NIPSNAP1: variants seen among roughly 807,000 people sequenced by gnomAD.
NIPSNAP1 encodes nipsnap homolog 1.
NIPSNAP1 carries 25 observed loss-of-function variants against 49.2 expected under a neutral mutation model. The observed-to-expected ratio is 0.51, with a 90% CI of 0.37 to 0.71. The LOEUF (loss-of-function observed/expected upper bound fraction) is 0.71. NIPSNAP1 is among the 30% of genes least tolerant of loss of function. The pLI, the probability that NIPSNAP1 is intolerant of heterozygous loss-of-function variation, is 0.00. For synonymous variants in NIPSNAP1, 143 were observed against 140.7 expected (o/e 1.02, Z -0.12); for missense variants, 294 against 361.0 (o/e 0.81, Z 1.50).
chr22:29,578,411 A>G (rs1326011064), intron 1 of NIPSNAP1, among the ~76,000 whole-genome samples: 1 of 151,150 alleles, frequency 6.6e-6, no homozygotes, highest in Non-Finnish European at 1.5e-5. Flanking sequence ...GGTTCAAGCA[A>G]TCCTCCCACC....
At chr22:29,571,541 G>A (rs1261212184) in intron 1 of NIPSNAP1, among the ~76,000 whole-genome samples, 1 of 152,124 alleles carries the variant, frequency 6.6e-6, no homozygotes, top group Non-Finnish European at 1.5e-5. Context: ...CATACCCAAG[G>A]TCCCAGCAGG....
Position 29,561,739 on chromosome 22 carries a change from G to C in NIPSNAP1, c.438+53C>G, listed in dbSNP as rs2064337297. 11 of 1,613,002 alleles carry C rather than the reference G, an allele frequency of 6.8e-6. No homozygotes were observed. In the South Asian group the frequency reaches 1.2e-4, roughly 18 times the overall value. On this transcript the variant is annotated intron_variant, in intron 5 of 9. Transcript: ENST00000216121. ...GGTAGCAGAGTAGTCCCCAGAACAGGGCTGGGCTGCATCCCACATCCAGAG... is the reference window on the plus strand; with the variant it reads ...GGTAGCAGAGTAGTCCCCAGAACAGCGCTGGGCTGCATCCCACATCCAGAG...
At chr22:29,556,085 G>T in intron 9 of NIPSNAP1, 86 bp from the exon 10 acceptor site, 1 of 1,169,170 alleles carries the variant, frequency 8.6e-7, no homozygotes, top group Non-Finnish European at 1.2e-6. Context: ...GCTGGCCTTT[G>T]AGTGGGCAGG....
intron 7 of NIPSNAP1, 56 bp downstream of exon 7, chr22:29,561,114 TG>T: frequency 6.5e-7 from 1 of 1,534,876 alleles, no homozygotes; most frequent in Non-Finnish European, 9.0e-7. Flanking sequence ...GGGGCCTTGG[TG>T]GGGCAGGTGA....
intron 4 of NIPSNAP1, among the ~76,000 whole-genome samples, chr22:29,565,190 C>T (rs950123995): frequency 1.3e-5 from 2 of 150,678 alleles, no homozygotes; most frequent in African/African-American, 2.4e-5. Flanking sequence ...GGTGACAGAG[C>T]GAGACCCTGT....
intron 1 of NIPSNAP1, among the ~76,000 whole-genome samples, chr22:29,579,075 G>A (rs1731503160): frequency 6.6e-6 from 1 of 150,846 alleles, no homozygotes. Context: ...CACAACCACG[G>A]AATCTTTTTT....
At chr22:29,561,086 G>T in intron 7 of NIPSNAP1, 85 bp downstream of exon 7, 1 of 1,304,874 alleles carries the variant, frequency 7.7e-7, no homozygotes, top group Non-Finnish European at 1.1e-6. Flanking sequence ...ATATGGCCCT[G>T]GAAAAGGTGG....
At chr22:29,560,693 A>C in intron 8 of NIPSNAP1, 41 bp downstream of exon 8, 1 of 1,518,262 alleles carries the variant, frequency 6.6e-7, no homozygotes, top group South Asian at 1.1e-5. Flanking sequence ...ATGACAGAGA[A>C]AGAGAACTAA....
chr22:29,560,806 G>A lies in NIPSNAP1; in HGVS notation c.634C>T (p.Gln212Ter). The A allele has an allele frequency of 6.2e-7, 1 of 1,614,130 alleles. No homozygotes were observed. Among genetic ancestry groups the A allele is most frequent in the Non-Finnish European group, 8.5e-7 (1 of 1,180,028 alleles). Reference sequence around the variant, plus strand: ...CCGCCCACTGCCTCCTGGTTCTCCTGCCGGTACTTGATGGCCCGAGCCCTG... The same window carrying A: ...CCGCCCACTGCCTCCTGGTTCTCCTACCGGTACTTGATGGCCCGAGCCCTG... ...NNWARAIKYR[Q>*]ENQEAVGGFF... is the part of the protein sequence containing the mutation. The change falls in exon 8 of 10, where the codon CAG (glutamine) becomes TAG (stop). Residue 212 changes from glutamine (Q) to a stop codon, truncating the protein, a stop_gained. Coordinates refer to ENST00000216121, the MANE Select transcript of NIPSNAP1 (RefSeq NM_003634.4). LOFTEE classifies it high-confidence loss of function.
intron 1 of NIPSNAP1, chr22:29,580,113 T>C (rs1313064106): frequency 7.7e-7 from 1 of 1,304,128 alleles, no homozygotes; most frequent in Admixed American, 2.3e-5. Flanking sequence ...TTGGTAAATA[T>C]TCCTTGACCA....
At chr22:29,575,607 G>A (rs1273821813) in intron 1 of NIPSNAP1, among the ~76,000 whole-genome samples, 1 of 152,010 alleles carries the variant, frequency 6.6e-6, no homozygotes, top group Non-Finnish European at 1.5e-5. Context: ...TCCAGAGCAC[G>A]TTCTAAAACG....
At position 29,558,857 on chromosome 22, in the gene NIPSNAP1, A is replaced by G. The variant is rs746376388; in HGVS notation, c.790+13T>C. 2 of 1,604,040 alleles carry G rather than the reference A, an allele frequency of 1.2e-6. No homozygotes were observed. The highest frequency in any genetic ancestry group is 1.7e-6 in the Non-Finnish European group (2 of 1,170,802). The stretch of plus-strand genomic sequence containing the variant: ...AGGGTTCTCAGCAGAAGACCTCCAA[A>G]GGCTTCACTCACCTGTATAGTAGAC... On this transcript the variant is annotated intron_variant, in intron 9 of 9. Coordinates refer to ENST00000216121, the MANE Select transcript of NIPSNAP1 (RefSeq NM_003634.4).
intron 4 of NIPSNAP1, among the ~76,000 whole-genome samples, chr22:29,567,670 T>C (rs1417242118): frequency 1.3e-5 from 2 of 151,644 alleles, no homozygotes; most frequent in African/African-American, 4.9e-5. Context: ...CTGGGTAACA[T>C]AGGGAGATCC....
chr22:29,556,060 G>A, intron 9 of NIPSNAP1, 61 bp from the exon 10 acceptor site: 1 of 1,436,914 alleles, frequency 7.0e-7, no homozygotes, highest in South Asian at 1.2e-5. Context: ...ACCTCCCCTG[G>A]CCCCACCCAC....
At chr22:29,557,419 G>GT (rs896280407) in intron 9 of NIPSNAP1, among the ~76,000 whole-genome samples, 10 of 150,806 alleles carry the variant, frequency 6.6e-5, no homozygotes, top group African/African-American at 2.4e-4. Context: ...TGCTTGTCTT[G>GT]TTTTTTATTA....
intron 1 of NIPSNAP1, chr22:29,580,257 C>T (rs2064487719): frequency 7.8e-7 from 1 of 1,286,304 alleles, no homozygotes; most frequent in Non-Finnish European, 1.0e-6. Context: ...GGGGGAAGTA[C>T]AGGGCTGTGG....
At chr22:29,563,749 G>A (rs1601489929) in intron 4 of NIPSNAP1, among the ~76,000 whole-genome samples, 3 of 152,164 alleles carry the variant, frequency 2.0e-5, no homozygotes, top group African/African-American at 7.2e-5. Flanking sequence ...GGACACAGGA[G>A]AACACTATGT....
At chr22:29,558,703 C>G (rs1458400919) in intron 9 of NIPSNAP1, among the ~76,000 whole-genome samples, 167 bp downstream of exon 9, 3 of 152,106 alleles carry the variant, frequency 2.0e-5, no homozygotes, top group Non-Finnish European at 4.4e-5. Flanking sequence ...CCTAGGCCTG[C>G]TGGTATCCTA....
rs533297898 is a variant in NIPSNAP1 at position 29,576,316 on chromosome 22, G to C, written c.98+4669C>G. ...ATTACAGGCATGATCCACCATGCCC[G>C]GCCGAACCCAGGAGTTTGAGACCAG... On this transcript the variant is annotated intron_variant, in intron 1 of 9. Transcript: ENST00000216121. 2.4e-4 allele frequency among the ~76,000 whole-genome samples: 37 copies of C among 151,092 alleles called. No individual in the cohort carries two copies. In the South Asian group the frequency reaches 7.7e-3, roughly 31 times the overall value.
Sources: allele counts gnomAD v4.1 joint callset (sites outside exome capture counted in the v4.1 genomes callset), GRCh38; gene constraint gnomAD v4.1.1; transcripts MANE v1.5; gene names NCBI Gene and HGNC (gene_info 2026-07-23, HGNC 2026-07-21).